Variants in PLCB4 observed in about 807,000 individuals in gnomAD.
The protein encoded by PLCB4 is phospholipase C beta 4.
PLCB4 carries 77 observed loss-of-function variants against 178.8 expected under a neutral mutation model. The observed-to-expected ratio is 0.43, with a 90% CI of 0.36 to 0.52. The LOEUF (loss-of-function observed/expected upper bound fraction) is 0.52. PLCB4 is among the 20% of genes least tolerant of loss of function. The pLI is 0.00. For missense variants in PLCB4, 1,024 were observed against 1,453.4 expected, an observed-to-expected ratio of 0.70 and a Z score of 4.80; for synonymous variants, 496 against 490.8, an observed-to-expected ratio of 1.01 and a Z score of -0.14.
intron 2 of PLCB4, among the ~76,000 whole-genome samples, chr20:9,206,307 T>TTTTTTTTTTTTTTTTG (rs2093614295): frequency 8.6e-6 from 1 of 116,076 alleles, no homozygotes; most frequent in Non-Finnish European, 1.7e-5. Context: ...TTCTTTTTTT[T>TTTTTTTTTTTTTTTTG]TTTTTTTTTT....
At chr20:9,366,454 C>G (rs933480074) in intron 9 of PLCB4, among the ~76,000 whole-genome samples, 1 of 148,388 alleles carries the variant, frequency 6.7e-6, no homozygotes, top group Non-Finnish European at 1.5e-5. Context: ...AAAACATGGA[C>G]AGGATACATC....
At chr20:9,302,797 T>G (rs1286271758) in intron 3 of PLCB4, among the ~76,000 whole-genome samples, 1 of 152,174 alleles carries the variant, frequency 6.6e-6, no homozygotes. Flanking sequence ...TGGGTACTCA[T>G]GTTGATTCTA....
chr20:9,168,485 A>G (rs528418328), intron 2 of PLCB4, among the ~76,000 whole-genome samples: 1 of 152,138 alleles, frequency 6.6e-6, no homozygotes. Context: ...TGTTTTCCAC[A>G]CTTTAATGTG....
rs75497083 is a variant in PLCB4, at chr20:9,306,769, A to G, written c.-15-1031A>G. 6.1e-3 allele frequency among the ~76,000 whole-genome samples: 932 copies of G among 152,300 alleles called. 7 individuals are homozygous for G. The highest frequency in any genetic ancestry group is 0.021 in the African/African-American group (857 of 41,570). On this transcript the variant is annotated intron_variant, in intron 3 of 39. Coordinates refer to ENST00000378473, the MANE Select transcript of PLCB4 (RefSeq NM_001377142.1). ...AGTTATTGCATACATACCATGGTGC[A>G]TGTTGCCAACAAGGATGGGTAAAAG...
intron 2 of PLCB4, among the ~76,000 whole-genome samples, chr20:9,109,974 C>G (rs1012899752): frequency 2.6e-5 from 4 of 152,120 alleles, no homozygotes; most frequent in African/African-American, 9.6e-5. Context: ...TTTCTTCTAG[C>G]CCTGATGTTC....
chr20:9,439,524 G>A (rs967898379), intron 30 of PLCB4, among the ~76,000 whole-genome samples: 1 of 152,168 alleles, frequency 6.6e-6, no homozygotes, highest in Non-Finnish European at 1.5e-5. Flanking sequence ...CTAAGAAGTT[G>A]GTTAGGTGGC....
intron 3 of PLCB4, among the ~76,000 whole-genome samples, chr20:9,245,048 G>A (rs2094110259): frequency 6.6e-6 from 1 of 152,122 alleles, no homozygotes; most frequent in South Asian, 2.1e-4. Context: ...GCCAGTTGTA[G>A]GTTGAGGATG....
intron 2 of PLCB4, among the ~76,000 whole-genome samples, chr20:9,120,331 A>G (rs1309275907): frequency 2.0e-5 from 3 of 152,050 alleles, no homozygotes; most frequent in African/African-American, 4.8e-5. Flanking sequence ...TTCTCCCTTG[A>G]CACGCTCCTT....
At chr20:9,203,474 G>A (rs1337195066) in intron 2 of PLCB4, among the ~76,000 whole-genome samples, 2 of 152,128 alleles carry the variant, frequency 1.3e-5, no homozygotes, top group Non-Finnish European at 1.5e-5. Context: ...AGTTTCCTAT[G>A]CTACTATTCT....
intron 3 of PLCB4, among the ~76,000 whole-genome samples, chr20:9,232,835 T>A (rs1478364136): frequency 6.6e-6 from 1 of 152,138 alleles, no homozygotes; most frequent in Non-Finnish European, 1.5e-5. Flanking sequence ...AAATAGTCCC[T>A]TAGAATTATC....
rs73084028 is a variant in PLCB4 at position 9,078,356 on chromosome 20, C to T, written c.-135+9150C>T. Among the ~76,000 whole-genome samples the T allele has an allele frequency of 6.2e-4, 94 of 151,302 alleles. 1 individual carries two copies. The highest frequency in any genetic ancestry group is 1.9e-3 in the South Asian group (9 of 4,800). On this transcript the variant is annotated intron_variant, in intron 1 of 39. Coordinates refer to ENST00000378473, the MANE Select transcript of PLCB4 (RefSeq NM_001377142.1). ...AAACTATACCTTCTTTTCTTTTCTT[C>T]TCTTTTCTTTTCTTCTTCTCTTCTT...
chr20:9,395,259 C>G (rs889373041), intron 18 of PLCB4, among the ~76,000 whole-genome samples: 2 of 152,092 alleles, frequency 1.3e-5, no homozygotes, highest in Non-Finnish European at 2.9e-5. Flanking sequence ...ACTTGGTGAC[C>G]AGAATTTTGG....
At chr20:9,220,780 A>T (rs2093788662) in intron 3 of PLCB4, among the ~76,000 whole-genome samples, 2 of 152,130 alleles carry the variant, frequency 1.3e-5, no homozygotes, top group Admixed American at 1.3e-4. Flanking sequence ...CACCTTGGAG[A>T]CATAGATATG....
intron 28 of PLCB4, among the ~76,000 whole-genome samples, chr20:9,424,538 C>A (rs77953912): frequency 0.013 from 1,930 of 152,204 alleles, 43 homozygotes; most frequent in African/African-American, 0.043. Flanking sequence ...AAGCAAAGAT[C>A]CTCTATATTG....
chr20:9,305,684 G>C (rs1263351725), intron 3 of PLCB4, among the ~76,000 whole-genome samples: 3 of 151,666 alleles, frequency 2.0e-5, no homozygotes, highest in Admixed American at 1.3e-4. Context: ...AAATTTTTCA[G>C]AGTAGATTAC....
intron 9 of PLCB4, among the ~76,000 whole-genome samples, chr20:9,367,602 G>A (rs1242850855): frequency 6.6e-6 from 1 of 152,186 alleles, no homozygotes; most frequent in Non-Finnish European, 1.5e-5. Context: ...TAGAAATGTA[G>A]GTTGGATGTG....
chr20:9,266,311 G>A (rs954615576), intron 3 of PLCB4, among the ~76,000 whole-genome samples: 3 of 152,168 alleles, frequency 2.0e-5, no homozygotes, highest in African/African-American at 4.8e-5. Context: ...TGTTTAACAA[G>A]CTCGCTTGGT....
intron 2 of PLCB4, among the ~76,000 whole-genome samples, chr20:9,130,689 G>A (rs1018519): frequency 0.2 from 29,983 of 152,078 alleles, 3,934 homozygotes; most frequent in East Asian, 0.55. Context: ...TTCATATACT[G>A]GAGGTTGGAA....
At chr20:9,384,583 C>T (rs777266984) in intron 14 of PLCB4, among the ~76,000 whole-genome samples, 172 bp downstream of exon 14, 7 of 152,122 alleles carry the variant, frequency 4.6e-5, no homozygotes, top group Non-Finnish European at 1.0e-4. Flanking sequence ...GTATCTCTTT[C>T]GGAAAAATCT....
Sources: allele counts gnomAD v4.1 joint callset (sites outside exome capture counted in the v4.1 genomes callset), GRCh38; gene constraint gnomAD v4.1.1; transcripts MANE v1.5; gene names NCBI Gene and HGNC (gene_info 2026-07-23, HGNC 2026-07-21).